The following PLXNA2 variants were observed in gnomAD, a reference collection of about 807,000 sequenced individuals.
The protein encoded by PLXNA2 is plexin A2.
A neutral mutation model predicts 193.5 loss-of-function variants in PLXNA2; 91 were observed. The ratio of observed to expected loss-of-function variants is 0.47; its 90% confidence interval spans 0.40 to 0.56. The LOEUF (loss-of-function observed/expected upper bound fraction) is 0.56, where lower values mean the gene tolerates loss of function less well. PLXNA2 is among the 20% of genes least tolerant of loss of function. The probability of loss-of-function intolerance (pLI) is 0.00; values close to 1 mark genes in which losing one functional copy is unlikely to be tolerated. For missense variants in PLXNA2, 1,995 were observed against 2,503.2 expected, an observed-to-expected ratio of 0.80 and a Z score of 4.33; for synonymous variants, 997 against 1,027.3, an observed-to-expected ratio of 0.97 and a Z score of 0.56.
chr1:208,226,725 C>T (rs555869669), intron 1 of PLXNA2, among the ~76,000 whole-genome samples: 4 of 152,218 alleles, frequency 2.6e-5, no homozygotes, highest in Admixed American at 2.6e-4. Flanking sequence ...GCTGAGAGAG[C>T]CGCATGGTAT....
Position 208,023,567 on chromosome 1 carries a change from T to C in PLXNA2, c.*3676A>G, listed in dbSNP as rs1349480928. ...GTGCAGCCAGAAGAGATGGTGGCAG[T>C]AGAAACAAGAGCAGCTCTCATCGCT... On this transcript the variant is annotated 3_prime_UTR_variant, in exon 32 of 32. Coordinates refer to ENST00000367033, the MANE Select transcript of PLXNA2 (RefSeq NM_025179.4). 1 of 152,668 alleles carries C rather than the reference T, an allele frequency of 6.6e-6. No homozygotes were observed. 9.5% of individuals were successfully genotyped at this position (152,668 alleles called of 1,614,324 possible).
At chr1:208,064,582 G>A (rs1665727476) in intron 12 of PLXNA2, among the ~76,000 whole-genome samples, 1 of 152,192 alleles carries the variant, frequency 6.6e-6, no homozygotes, top group Non-Finnish European at 1.5e-5. Flanking sequence ...CAAGGTGGAG[G>A]TCTGTGTGCA....
In PLXNA2 at chr1:208,042,363, G is replaced by C. The variant is rs920203474; in HGVS notation, c.4021C>G (p.Gln1341Glu). The C allele has an allele frequency of 3.1e-6, 5 of 1,612,808 alleles. No individual in the cohort carries two copies. Among genetic ancestry groups the C allele is most frequent in the South Asian group, 2.2e-5 (2 of 91,014 alleles). ...DHPVLRELEVQGNGQQHVEKA... is the reference protein window; with the variant it reads ...DHPVLRELEVEGNGQQHVEKA... ...TCCACGTGCTGCTGCCCGTTTCCTT[G>C]TACCTGGGGTGGGGTGTGGTGGAGG... Residue 1341 changes from glutamine (Q) to glutamate (E), a missense_variant, in exon 22 of 32, where the codon CAA becomes GAA. Gln to Glu is a conservative substitution (Grantham distance 29). Transcript: ENST00000367033.
chr1:208,074,863 G>C (rs948718523), intron 12 of PLXNA2, among the ~76,000 whole-genome samples: 3 of 152,166 alleles, frequency 2.0e-5, no homozygotes, highest in African/African-American at 7.2e-5. Context: ...GCACAGAGTG[G>C]CTGCACTAAG....
intron 12 of PLXNA2, among the ~76,000 whole-genome samples, chr1:208,067,071 G>A (rs1223817345): frequency 2.6e-5 from 4 of 152,150 alleles, no homozygotes; most frequent in Admixed American, 1.3e-4. Flanking sequence ...CTGGCCGGGC[G>A]CAGTGGCTCA....
At chr1:208,200,548 C>T (rs1670512351) in intron 3 of PLXNA2, among the ~76,000 whole-genome samples, 1 of 150,178 alleles carries the variant, frequency 6.7e-6, no homozygotes, top group South Asian at 2.1e-4. Context: ...TCACCATCTG[C>T]AACAGAGCAG....
At chr1:208,215,681 G>A (rs535010337) in intron 2 of PLXNA2, among the ~76,000 whole-genome samples, 30 of 152,092 alleles carry the variant, frequency 2.0e-4, no homozygotes, top group South Asian at 6.2e-4. Context: ...AGAGAGCTAA[G>A]GAGGATGGAG....
In PLXNA2 at chr1:208,217,371, G is replaced by C; in HGVS notation, c.552C>G (p.Ile184Met). The C allele has an allele frequency of 1.9e-6, 3 of 1,614,208 alleles. No homozygotes were observed. Among genetic ancestry groups the C allele is most frequent in the Non-Finnish European group, 1.7e-6 (2 of 1,180,048 alleles). Residue 184 changes from isoleucine (I) to methionine (M), a missense_variant, in exon 2 of 32, where the codon ATC (isoleucine) becomes ATG (methionine). This residue lies in a region of PLXNA2 where 702 missense variants were observed against 812.9 expected (regional missense o/e 0.86). Coordinates refer to ENST00000367033, the MANE Select transcript of PLXNA2 (RefSeq NM_025179.4). The surrounding 1 kb of genome is among the most constrained non-coding windows in gnomAD (Gnocchi z 4.7). ...CCTGCTTCCCATCCACAGCCGTGCC[G>C]ATGAAGAGCTTGCCATCCTCACCCT... is the stretch of plus-strand genomic sequence containing the variant. Reference protein sequence around the residue: ...RSEGEDGKLFIGTAVDGKQDY... With the variant: ...RSEGEDGKLFMGTAVDGKQDY...
intron 14 of PLXNA2, among the ~76,000 whole-genome samples, chr1:208,053,696 G>A (rs1045227369): frequency 4.6e-5 from 7 of 152,182 alleles, no homozygotes; most frequent in African/African-American, 9.7e-5. Flanking sequence ...GAGAGACTTC[G>A]GGGCCGAAGA....
At chr1:208,061,675 C>T (rs1278846040) in intron 12 of PLXNA2, among the ~76,000 whole-genome samples, 1 of 152,136 alleles carries the variant, frequency 6.6e-6, no homozygotes, top group Non-Finnish European at 1.5e-5. Flanking sequence ...TAATTCAGAC[C>T]CCAAACACTG....
At chr1:208,157,845 C>T (rs1571979099) in intron 3 of PLXNA2, among the ~76,000 whole-genome samples, 1 of 152,316 alleles carries the variant, frequency 6.6e-6, no homozygotes, top group Non-Finnish European at 1.5e-5. Flanking sequence ...TGAATGAATG[C>T]TTTTCTGGCC....
chr1:208,113,920 G>A (rs1344418608), intron 4 of PLXNA2, among the ~76,000 whole-genome samples: 3 of 152,302 alleles, frequency 2.0e-5, no homozygotes, highest in East Asian at 3.9e-4. Flanking sequence ...GAGGTTTGGA[G>A]TGGAAATCAT....
chr1:208,029,255 G>A, intron 29 of PLXNA2: 2 of 1,381,122 alleles, frequency 1.4e-6, no homozygotes, highest in East Asian at 2.9e-5. Context: ...CCTAATGGGG[G>A]CACTGACCCT....
chr1:208,045,536 CA>C (rs1231703730), intron 18 of PLXNA2, among the ~76,000 whole-genome samples: 3 of 152,130 alleles, frequency 2.0e-5, no homozygotes, highest in African/African-American at 4.8e-5. Context: ...TGGACAGTGC[CA>C]GGGACTGTGA....
chr1:208,059,345 G>A, intron 13 of PLXNA2, among the ~76,000 whole-genome samples: 1 of 152,188 alleles, frequency 6.6e-6, no homozygotes, highest in Admixed American at 6.5e-5. Flanking sequence ...TTCCTTGCAG[G>A]AATAAGGCTG....
chr1:208,086,789 C>CAAAAAA (rs11355579), intron 9 of PLXNA2, among the ~76,000 whole-genome samples: 2 of 125,874 alleles, frequency 1.6e-5, no homozygotes, highest in Non-Finnish European at 1.6e-5. Flanking sequence ...TATTTATAGC[C>CAAAAAA]AAAAAAAAAA....
intron 26 of PLXNA2, among the ~76,000 whole-genome samples, chr1:208,035,551 TG>T (rs1664644519): frequency 6.6e-6 from 1 of 152,142 alleles, no homozygotes; most frequent in Non-Finnish European, 1.5e-5. Context: ...TGAAGACATT[TG>T]GGGCCATTTT....
In PLXNA2 at chr1:208,217,627, A is replaced by G; in HGVS notation, c.296T>C (p.Ile99Thr). Residue 99 changes from isoleucine to threonine, a missense_variant, in exon 2 of 32, where the codon ATC (isoleucine) becomes ACC (threonine). Physicochemically the swap from Ile to Thr is moderately conservative, Grantham distance 89 (BLOSUM62 -1). Coordinates refer to ENST00000367033, the MANE Select transcript of PLXNA2 (RefSeq NM_025179.4). This position sits in a 1 kb window ranked among gnomAD's most constrained non-coding sequence, Gnocchi z 4.7. ...EDNKSCYPPL[I>T]VQPCSEVLTL... ...GAGCACTTCGCTGCAGGGCTGCACGATGAGGGGCGGGTAACAAGACTTGTT... is the reference window on the plus strand; with the variant it reads ...GAGCACTTCGCTGCAGGGCTGCACGGTGAGGGGCGGGTAACAAGACTTGTT... The G allele has an allele frequency of 6.2e-7, 1 of 1,614,106 alleles. No homozygotes were observed. The highest frequency in any genetic ancestry group is 8.5e-7 in the Non-Finnish European group (1 of 1,179,996).
At chr1:208,147,104 C>T (rs1668625809) in intron 3 of PLXNA2, among the ~76,000 whole-genome samples, 1 of 152,150 alleles carries the variant, frequency 6.6e-6, no homozygotes, top group South Asian at 2.1e-4. Flanking sequence ...CTCACTGCAG[C>T]CTTGAGCTCC....
Sources: allele counts gnomAD v4.1 joint callset (sites outside exome capture counted in the v4.1 genomes callset), GRCh38; gene constraint gnomAD v4.1.1; regional missense constraint gnomAD v4.1.1; non-coding constraint Gnocchi (gnomAD v3.1); transcripts MANE v1.5; gene names NCBI Gene and HGNC (gene_info 2026-07-23, HGNC 2026-07-21).